The following NIPSNAP3B variants were observed in gnomAD, a reference collection of about 807,000 sequenced individuals.
NIPSNAP3B encodes the protein nipsnap homolog 3B, also known as protein NipSnap homolog 3B.
A neutral mutation model predicts 31.5 loss-of-function variants in NIPSNAP3B; 30 were observed. The observed-to-expected ratio is 0.95, with a 90% CI of 0.71 to 1.29. The LOEUF (loss-of-function observed/expected upper bound fraction) is 1.29, where lower values mean the gene tolerates loss of function less well. NIPSNAP3B is among the 50% of genes most tolerant of loss of function. The pLI, the probability that NIPSNAP3B is intolerant of heterozygous loss-of-function variation, is 0.00. For synonymous variants in NIPSNAP3B, 106 were observed against 107.9 expected (o/e 0.98, Z 0.11); for missense variants, 269 against 300.7 (o/e 0.89, Z 0.78).
intron 1 of NIPSNAP3B, among the ~76,000 whole-genome samples, chr9:104,764,988 G>A (rs1828060142): frequency 1.3e-5 from 2 of 152,006 alleles, no homozygotes; most frequent in African/African-American, 4.8e-5. Flanking sequence ...ATACCTCATT[G>A]GCCCATTTTC....
chr9:104,778,113 C>T (rs1828375730), downstream of NIPSNAP3B, among the ~76,000 whole-genome samples: 1 of 152,190 alleles, frequency 6.6e-6, no homozygotes, highest in African/African-American at 2.4e-5. Flanking sequence ...TCTCAATTTC[C>T]CTGGCTAGCT....
chr9:104,788,108 C>CTGTCCTACACA, the NIPSNAP3B span: 7 of 1,546,266 alleles, frequency 4.5e-6, no homozygotes, highest in Non-Finnish European at 6.3e-6. Context: ...TTTTATCATG[C>CTGTCCTACACA]TGTCCTACAC....
At position 104,774,495 on chromosome 9, in the gene NIPSNAP3B, A is replaced by G. The variant is rs946615586; in HGVS notation, c.*1422A>G. Among the ~76,000 whole-genome samples, 1 of 152,234 alleles carries G rather than the reference A, an allele frequency of 6.6e-6. No homozygotes were observed. The highest frequency in any genetic ancestry group is 2.4e-5 in the African/African-American group (1 of 41,470). Reference sequence around the variant, plus strand: ...TTACCAATAAAATTAAAAGTTAACTAAAATACTACAGAAGACATTTAATAT... The same window carrying G: ...TTACCAATAAAATTAAAAGTTAACTGAAATACTACAGAAGACATTTAATAT... On this transcript the variant is annotated 3_prime_UTR_variant, in exon 6 of 6. Coordinates refer to ENST00000374762, the MANE Select transcript of NIPSNAP3B (RefSeq NM_018376.4).
chr9:104,789,881 G>A, the NIPSNAP3B span, among the ~76,000 whole-genome samples: 2 of 152,122 alleles, frequency 1.3e-5, no homozygotes, highest in Non-Finnish European at 2.9e-5. Flanking sequence ...ATCACCTGAG[G>A]TCAGGAGCTC....
chr9:104,785,672 T>A, the NIPSNAP3B span: 1 of 1,612,702 alleles, frequency 6.2e-7, no homozygotes, highest in South Asian at 1.1e-5. Flanking sequence ...AAATGGAGGA[T>A]CTCCAGAAAA....
the NIPSNAP3B span, chr9:104,785,571 T>C: frequency 1.2e-6 from 2 of 1,613,694 alleles, no homozygotes; most frequent in Admixed American, 1.7e-5. Flanking sequence ...TCCAAAGAAA[T>C]CCTGGACAGG....
chr9:104,789,514 CT>C, the NIPSNAP3B span, among the ~76,000 whole-genome samples: 24 of 152,198 alleles, frequency 1.6e-4, no homozygotes, highest in African/African-American at 4.8e-4. Flanking sequence ...GGCTATCCCC[CT>C]GTCCAGTGTG....
downstream of NIPSNAP3B, chr9:104,781,838 T>G (rs1198994497): frequency 6.6e-6 from 1 of 152,524 alleles, no homozygotes; most frequent in African/African-American, 2.4e-5. Context: ...TACAGAAATT[T>G]TGCTTGATTG....
At position 104,773,305 on chromosome 9, in the gene NIPSNAP3B, T is replaced by A; in HGVS notation, c.*232T>A. ...GTATCTGTTACACATTAGAAGTAGT[T>A]GTCACTATTTCATCATCTTGGTTTT... On this transcript the variant is annotated 3_prime_UTR_variant, in exon 6 of 6. Transcript: ENST00000374762. The A allele has an allele frequency of 4.2e-6, 2 of 471,648 alleles. No individual in the cohort carries two copies. The highest frequency in any genetic ancestry group is 7.5e-6 in the Non-Finnish European group (2 of 267,176). 29.2% of individuals were successfully genotyped at this position (471,648 alleles called of 1,614,324 possible). A position where few individuals can be genotyped will look rare whatever the true frequency, so the allele number is the denominator to read the frequency against.
downstream of NIPSNAP3B, chr9:104,781,422 G>T (rs1223126122): frequency 6.6e-6 from 1 of 152,040 alleles, no homozygotes; most frequent in Non-Finnish European, 1.5e-5. Flanking sequence ...TAATAACAAG[G>T]GTACAAATTA....
intron 2 of NIPSNAP3B, among the ~76,000 whole-genome samples, chr9:104,767,436 C>G (rs150555415): frequency 6.6e-6 from 1 of 152,244 alleles, no homozygotes; most frequent in East Asian, 1.9e-4. Flanking sequence ...CACATCAGGA[C>G]TTGAGGATAC....
At chr9:104,788,040 C>T in the NIPSNAP3B span, 27 of 1,614,054 alleles carry the variant, frequency 1.7e-5, no homozygotes, top group East Asian at 8.9e-5. Flanking sequence ...GTTTCCGAAT[C>T]GCCCACTCAC....
the NIPSNAP3B span, chr9:104,788,520 G>C: frequency 1.2e-6 from 2 of 1,614,164 alleles, no homozygotes; most frequent in Non-Finnish European, 1.7e-6. Flanking sequence ...ATCAAACTGA[G>C]GGCAGTAGCC....
chr9:104,774,485 A>AAAG lies in NIPSNAP3B; in HGVS notation c.*1413_*1415dup, dbSNP rs1828292134. Among the ~76,000 whole-genome samples the AAAG allele has an allele frequency of 6.6e-6, 1 of 152,348 alleles. No individual in the cohort carries two copies. The highest frequency in any genetic ancestry group is 1.9e-4 in the East Asian group (1 of 5,184). On this transcript the variant is annotated 3_prime_UTR_variant, in exon 6 of 6. Transcript: ENST00000374762. Reference sequence around the variant, plus strand: ...TACACATAAATTACCAATAAAATTAAAAGTTAACTAAAATACTACAGAAGA... The same window carrying AAAG: ...TACACATAAATTACCAATAAAATTAAAAGAAGTTAACTAAAATACTACAGAAGA...
chr9:104,764,577 T>TAAAA (rs1828050994), intron 1 of NIPSNAP3B, among the ~76,000 whole-genome samples: 1 of 152,206 alleles, frequency 6.6e-6, no homozygotes, highest in Non-Finnish European at 1.5e-5. Context: ...TCTCGCTCTG[T>TAAAA]CGCCCAGGCT....
chr9:104,771,852 G>GT (rs1828229056), intron 4 of NIPSNAP3B, among the ~76,000 whole-genome samples: 1 of 152,078 alleles, frequency 6.6e-6, no homozygotes, highest in Non-Finnish European at 1.5e-5. Context: ...CCAACAGGGT[G>GT]TAAGTGTTCC....
Position 104,766,404 on chromosome 9 carries a change from C to G in NIPSNAP3B, c.140C>G (p.Ser47Ter), listed in dbSNP as rs1208829276. 6 of 1,613,672 alleles carry G rather than the reference C, an allele frequency of 3.7e-6. No homozygotes were observed. The highest frequency in any genetic ancestry group is 5.1e-6 in the Non-Finnish European group (6 of 1,179,760). ...TTTCGTACTTATTACCTTAAACCTT[C>G]AAATATGAATGCGTTCATGGAAAAT... ...YEFRTYYLKP[S>*]NMNAFMENLK... The change falls in exon 2 of 6, where the codon TCA (serine) becomes TGA (stop). Residue 47 changes from serine (S) to a stop codon, truncating the protein, a stop_gained. Transcript: ENST00000374762. LOFTEE classifies it high-confidence loss of function.
At chr9:104,778,096 C>A (rs747096275), downstream of NIPSNAP3B, among the ~76,000 whole-genome samples, 4 of 151,936 alleles carry the variant, frequency 2.6e-5, no homozygotes, top group Non-Finnish European at 5.9e-5. Context: ...TCTCACTGGC[C>A]AGTCCCTCTC....
At chr9:104,781,077 A>G (rs915148633), downstream of NIPSNAP3B, 1 of 152,662 alleles carries the variant, frequency 6.6e-6, no homozygotes, top group African/African-American at 2.4e-5. Flanking sequence ...ATGCATTTTA[A>G]TACTTCATAT....
Sources: allele counts gnomAD v4.1 joint callset (sites outside exome capture counted in the v4.1 genomes callset), GRCh38; gene constraint gnomAD v4.1.1; transcripts MANE v1.5; gene names NCBI Gene and HGNC (gene_info 2026-07-23, HGNC 2026-07-21).